The following IGF2 variants were observed in gnomAD, a reference collection of about 807,000 sequenced individuals.
The protein encoded by IGF2 is insulin like growth factor 2, also known as insulin-like growth factor 2.
Under a neutral mutation model 12.0 loss-of-function variants are expected in IGF2, and 2 were observed. The ratio of observed to expected loss-of-function variants is 0.17; its 90% confidence interval spans 0.07 to 0.52. IGF2 has a LOEUF of 0.52. IGF2 is among the 20% of genes least tolerant of loss of function. The pLI is 0.95. For missense variants in IGF2, 211 were observed against 268.0 expected (o/e 0.79, Z 1.48); for synonymous variants, 105 against 110.1 (o/e 0.95, Z 0.29).
chr11:2,139,007 G>A lies in IGF2; in HGVS notation c.-785C>T. The A allele has an allele frequency of 2.1e-6, 2 of 973,496 alleles. No individual in the cohort carries two copies. Among genetic ancestry groups the A allele is most frequent in the Non-Finnish European group, 2.4e-6 (2 of 821,720 alleles). The allele number at this position is 973,496 out of a possible 1,614,324, so 60.3% of individuals were successfully genotyped here. A position where few individuals can be genotyped will look rare whatever the true frequency, so the allele number is the denominator to read the frequency against. ...CACCGGGGCCGCTCCGGGACGCAGC[G>A]CGGAAAGGGGAGCGGCCCGAGGCTG... On this transcript the variant is annotated 5_prime_UTR_variant, in exon 1 of 4. Coordinates refer to ENST00000416167, the MANE Select transcript of IGF2 (RefSeq NM_000612.6).
upstream of IGF2, chr11:2,140,577 C>A: frequency 2.0e-6 from 1 of 502,328 alleles, no homozygotes; most frequent in South Asian, 1.9e-5. Context: ...GCGTCCCTCG[C>A]CCCAGCCCCC....
Position 2,133,271 on chromosome 11 carries a change from T to C in IGF2, c.307-48A>G, listed in dbSNP as rs1858746418. On this transcript the variant is annotated intron_variant, in intron 3 of 3. Coordinates refer to ENST00000416167, the MANE Select transcript of IGF2 (RefSeq NM_000612.6). This position sits in a 1 kb window ranked among gnomAD's most constrained non-coding sequence, Gnocchi z 8.9. ...AGCAGGTGCCTGCTCTCCACGCTCT[T>C]CCGCCTGAGCCGCCCGCCTGACCTG... 7.4e-7 allele frequency: 1 copy of C among 1,344,092 alleles called. No homozygotes were observed. The highest frequency in any genetic ancestry group is 1.0e-6 in the Non-Finnish European group (1 of 983,300). 83.3% of individuals were successfully genotyped at this position (1,344,092 alleles called of 1,614,324 possible).
Position 2,139,348 on chromosome 11 carries a change from C to T in IGF2, c.-1126G>A, listed in dbSNP as rs1490777661. On this transcript the variant is annotated 5_prime_UTR_variant, in exon 1 of 4. Coordinates refer to ENST00000416167, the MANE Select transcript of IGF2 (RefSeq NM_000612.6). ...GCGGGGGCGGCCGGAAGGGGGGGGCCGGGGCCGGCCGGGCCTCACGCAGCT... is the reference window on the plus strand; with the variant it reads ...GCGGGGGCGGCCGGAAGGGGGGGGCTGGGGCCGGCCGGGCCTCACGCAGCT... 7.7e-6 allele frequency: 1 copy of T among 129,274 alleles called. No individual in the cohort carries two copies. Among genetic ancestry groups the T allele is most frequent in the Non-Finnish European group, 1.7e-5 (1 of 59,678 alleles). The allele number at this position is 129,274 out of a possible 1,614,324, so 8.0% of individuals were successfully genotyped here.
rs546071811 is a variant in IGF2, at chr11:2,133,833, C to T, written c.158-168G>A. Among the ~76,000 whole-genome samples, 29 of 152,300 alleles carry T rather than the reference C, an allele frequency of 1.9e-4. No individual in the cohort carries two copies. The highest frequency in any genetic ancestry group is 7.0e-4 in the African/African-American group (29 of 41,566). On this transcript the variant is annotated intron_variant, in intron 2 of 3. Coordinates refer to ENST00000416167, the MANE Select transcript of IGF2 (RefSeq NM_000612.6). The surrounding 1 kb of genome is among the most constrained non-coding windows in gnomAD (Gnocchi z 8.9). ...TGAGAGCTGGCAGGCAGAGGCGTCCCAGGAAGAAGAGAGGTGAGAGGGGAG... is the reference window on the plus strand; with the variant it reads ...TGAGAGCTGGCAGGCAGAGGCGTCCTAGGAAGAAGAGAGGTGAGAGGGGAG...
the IGF2 span, chr11:2,149,196 T>C: frequency 6.2e-7 from 1 of 1,613,368 alleles, no homozygotes; most frequent in Non-Finnish European, 8.5e-7. Flanking sequence ...GAGTCACTGG[T>C]GCCCAAGGCT....
At position 2,139,151 on chromosome 11, in the gene IGF2, T is replaced by G. The variant is rs1295627432; in HGVS notation, c.-929A>C. ...CGGGCGAAGCGGGGATGGGGGGAGT[T>G]GAGGTAGATGAAGAGGAGGCGGCGG... is the stretch of plus-strand genomic sequence containing the variant. On this transcript the variant is annotated 5_prime_UTR_variant, in exon 1 of 4. Transcript: ENST00000416167. The G allele has an allele frequency of 6.7e-6, 1 of 149,584 alleles. No homozygotes were observed. The highest frequency in any genetic ancestry group is 1.5e-5 in the Non-Finnish European group (1 of 67,416). The allele number at this position is 149,584 out of a possible 1,614,324, so 9.3% of individuals were successfully genotyped here.
chr11:2,137,193 G>A, intron 1 of IGF2: 4 of 988,418 alleles, frequency 4.0e-6, no homozygotes, highest in Non-Finnish European at 4.8e-6. Context: ...GTTACCTACA[G>A]CTCAGCAGAA....
At chr11:2,149,231 G>C in the IGF2 span, 2 of 1,613,464 alleles carry the variant, frequency 1.2e-6, no homozygotes, top group Non-Finnish European at 1.7e-6. Flanking sequence ...CCTGGACGAT[G>C]ATCCGCCGGC....
chr11:2,149,010 T>C, the IGF2 span: 1 of 972,108 alleles, frequency 1.0e-6, no homozygotes, highest in Non-Finnish European at 1.6e-6. Flanking sequence ...GCAGAAGTTC[T>C]TCCCCTCCTT....
chr11:2,137,118 GC>G, intron 1 of IGF2: 3 of 561,720 alleles, frequency 5.3e-6, no homozygotes, highest in Non-Finnish European at 6.8e-6. Flanking sequence ...CGTGGGCCGT[GC>G]CCCCTGCTGC....
At chr11:2,136,367 T>A (rs1165239919) in intron 1 of IGF2, among the ~76,000 whole-genome samples, 1 of 152,156 alleles carries the variant, frequency 6.6e-6, no homozygotes, top group Non-Finnish European at 1.5e-5. Context: ...ACTCTCCCCG[T>A]GGGAGCTGGA....
Position 2,133,577 on chromosome 11 carries a change from C to A in IGF2, c.246G>T (p.Thr82=). ...CGGACTTGGCGGGGGTAGCACAGTA[C>A]GTCTCCAGGAGGGCCAGGTCACAGC... ...FRSCDLALLE[T]YCATPAKSER... is the part of the protein sequence containing the mutation. The change falls in exon 3 of 4, where the codon ACG becomes ACT. Residue 82 remains threonine (T), a synonymous_variant. Coordinates refer to ENST00000416167, the MANE Select transcript of IGF2 (RefSeq NM_000612.6). This position sits in a 1 kb window ranked among gnomAD's most constrained non-coding sequence, Gnocchi z 8.9. 6.2e-7 allele frequency: 1 copy of A among 1,613,042 alleles called. No homozygotes were observed.
Position 2,129,519 on chromosome 11 carries a change from CTG to C in IGF2, c.*3466_*3467del, listed in dbSNP as rs1336491806. On this transcript the variant is annotated 3_prime_UTR_variant, in exon 4 of 4. Transcript: ENST00000416167. This position sits in a 1 kb window ranked among gnomAD's most constrained non-coding sequence, Gnocchi z 8.1. Reference sequence around the variant, plus strand: ...CACTCCGGCGAGGCAGAATATAACACTGGGTGGGTGGGTGTCCTGACGAATGG... The same window carrying C: ...CACTCCGGCGAGGCAGAATATAACACGGTGGGTGGGTGTCCTGACGAATGG... 3 of 228,064 alleles carry C rather than the reference CTG, an allele frequency of 1.3e-5. No individual in the cohort carries two copies. 14.1% of individuals were successfully genotyped at this position (228,064 alleles called of 1,614,324 possible).
At position 2,131,219 on chromosome 11, in the gene IGF2, C is replaced by G. The variant is rs985015689; in HGVS notation, c.*1768G>C. ...CCTACGGGTGTATCCCAAATGCCGC[C>G]GGCCGCACACTCAGGCCGCACCATC... On this transcript the variant is annotated 3_prime_UTR_variant, in exon 4 of 4. Transcript: ENST00000416167. 8.6e-6 allele frequency: 2 copies of G among 233,208 alleles called. No homozygotes were observed. Among genetic ancestry groups the G allele is most frequent in the Non-Finnish European group, 1.7e-5 (2 of 118,056 alleles). The allele number at this position is 233,208 out of a possible 1,614,324, so 14.4% of individuals were successfully genotyped here.
chr11:2,145,501 C>G (rs1370336995), upstream of IGF2, among the ~76,000 whole-genome samples: 1 of 152,222 alleles, frequency 6.6e-6, no homozygotes, highest in Admixed American at 6.5e-5. Flanking sequence ...GTGGGTTCTC[C>G]TCCTCTTTGG....
upstream of IGF2, chr11:2,140,800 G>A (rs1397571172): frequency 3.2e-6 from 1 of 311,630 alleles, no homozygotes. Flanking sequence ...GCAGATGCGG[G>A]CCGAGAGCCG....
upstream of IGF2, among the ~76,000 whole-genome samples, chr11:2,143,455 GT>G (rs1390938628): frequency 6.6e-5 from 10 of 152,188 alleles, no homozygotes; most frequent in African/African-American, 2.4e-4. Flanking sequence ...AGTTCCACTT[GT>G]TTTGGAAACA....
At chr11:2,141,967 G>A (rs1403812246), upstream of IGF2, among the ~76,000 whole-genome samples, 1 of 152,246 alleles carries the variant, frequency 6.6e-6, no homozygotes, top group Non-Finnish European at 1.5e-5. Flanking sequence ...GGGAGCCCCA[G>A]TGAAACACAT....
At chr11:2,142,217 A>C (rs1859641437), upstream of IGF2, among the ~76,000 whole-genome samples, 1 of 151,822 alleles carries the variant, frequency 6.6e-6, no homozygotes, top group African/African-American at 2.4e-5. This position sits in a 1 kb window ranked among gnomAD's most constrained non-coding sequence, Gnocchi z 5.7. Flanking sequence ...TAAAAAAAAA[A>C]AAACCTCAAT....
Sources: allele counts gnomAD v4.1 joint callset (sites outside exome capture counted in the v4.1 genomes callset), GRCh38; gene constraint gnomAD v4.1.1; non-coding constraint Gnocchi (gnomAD v3.1); transcripts MANE v1.5; gene names NCBI Gene and HGNC (gene_info 2026-07-23, HGNC 2026-07-21).